The following ZFPM1 variants were observed in gnomAD, a reference collection of about 807,000 sequenced individuals.
ZFPM1 encodes zinc finger protein ZFPM1.
A neutral mutation model predicts 46.3 loss-of-function variants in ZFPM1; 28 were observed. The observed-to-expected ratio is 0.60, with a 90% CI of 0.45 to 0.83. The LOEUF (loss-of-function observed/expected upper bound fraction) is 0.83, where lower values mean the gene tolerates loss of function less well. Among genes scored for constraint, ZFPM1 ranks in the 40% least tolerant of loss-of-function variants. The pLI, the probability that ZFPM1 is intolerant of heterozygous loss-of-function variation, is 0.00. For missense variants in ZFPM1, 1,878 were observed against 1,432.4 expected, an observed-to-expected ratio of 1.31 and a Z score of -5.02; for synonymous variants, 957 against 675.9, an observed-to-expected ratio of 1.42 and a Z score of -6.45.
chr16:88,493,645 AGCTGTCCCG>A, intron 3 of ZFPM1, among the ~76,000 whole-genome samples: 1 of 149,528 alleles, frequency 6.7e-6, no homozygotes, highest in Non-Finnish European at 1.5e-5. Context: ...GGGTGCGGTG[AGCTGTCCCG>A]GGGTGCGGGG....
chr16:88,532,433 G>A (rs1912861854), intron 7 of ZFPM1, among the ~76,000 whole-genome samples, 181 bp from the exon 8 acceptor site: 1 of 152,172 alleles, frequency 6.6e-6, no homozygotes, highest in South Asian at 2.1e-4. Flanking sequence ...GTCAGCTGAG[G>A]GCTGGGCCCA....
chr16:88,512,097 G>A (rs992388023), intron 3 of ZFPM1, among the ~76,000 whole-genome samples: 12 of 152,250 alleles, frequency 7.9e-5, no homozygotes, highest in Admixed American at 5.9e-4. Context: ...AGGGGCGGCC[G>A]CCACGGGAAA....
At chr16:88,532,538 C>G (rs1912872750) in intron 7 of ZFPM1, 76 bp from the exon 8 acceptor site, 22 of 1,449,848 alleles carry the variant, frequency 1.5e-5, no homozygotes. Flanking sequence ...GGCCCTGGGC[C>G]CAGTCGCCTT....
At chr16:88,526,258 G>A (rs1464875614) in intron 4 of ZFPM1, among the ~76,000 whole-genome samples, 1 of 152,202 alleles carries the variant, frequency 6.6e-6, no homozygotes, top group African/African-American at 2.4e-5. Flanking sequence ...ATGCTGTCAG[G>A]AGGACACTGA....
In ZFPM1 at chr16:88,533,703, G is replaced by A. The variant is rs764064185; in HGVS notation, c.1745G>A (p.Cys582Tyr). 3 of 1,513,214 alleles carry A rather than the reference G, an allele frequency of 2.0e-6. No homozygotes were observed. Among genetic ancestry groups the A allele is most frequent in the Non-Finnish European group, 2.7e-6 (3 of 1,125,728 alleles). The allele number at this position is 1,513,214 out of a possible 1,614,324, so 93.7% of individuals were successfully genotyped here. Residue 582 changes from cysteine (C) to tyrosine (Y), a missense_variant, in exon 10 of 10, where the codon TGC becomes TAC. Coordinates refer to ENST00000319555, the MANE Select transcript of ZFPM1 (RefSeq NM_153813.3). Reference protein sequence around the residue: ...GAPKGATCFECEITFSNVNNY... With the variant: ...GAPKGATCFEYEITFSNVNNY... The stretch of plus-strand genomic sequence containing the variant: ...CCCAAGGGCGCTACGTGCTTCGAGT[G>A]CGAGATCACCTTCAGCAACGTCAAC...
At chr16:88,489,199 C>T (rs1384943849) in intron 3 of ZFPM1, 46 bp downstream of exon 3, 22 of 1,541,434 alleles carry the variant, frequency 1.4e-5, no homozygotes, top group Non-Finnish European at 1.7e-5. Flanking sequence ...TCCCGGGCAG[C>T]CTGGCCCGGC....
At chr16:88,527,997 C>G in intron 5 of ZFPM1, 35 bp from the exon 6 acceptor site, 1 of 1,501,326 alleles carries the variant, frequency 6.7e-7, no homozygotes, top group Non-Finnish European at 9.0e-7. Flanking sequence ...AAGTGGGGCA[C>G]AAAGTCCTAG....
chr16:88,457,762 G>T (rs541800436), intron 1 of ZFPM1, among the ~76,000 whole-genome samples: 1 of 152,182 alleles, frequency 6.6e-6, no homozygotes, highest in South Asian at 2.1e-4. Flanking sequence ...AAGCACTGGG[G>T]TTCCAGACAC....
chr16:88,527,106 C>A (rs1490984889), intron 5 of ZFPM1, among the ~76,000 whole-genome samples, 190 bp downstream of exon 5: 2 of 152,140 alleles, frequency 1.3e-5, no homozygotes, highest in Non-Finnish European at 2.9e-5. Context: ...GACCATGAGT[C>A]CCTGTATGAG....
chr16:88,533,072 C>T (rs1912926715), intron 9 of ZFPM1, 76 bp from the exon 10 acceptor site: 11 of 1,457,138 alleles, frequency 7.5e-6, no homozygotes, highest in African/African-American at 2.8e-5. Context: ...CCTCCCCTTC[C>T]GGAGCTCGCC....
intron 4 of ZFPM1, among the ~76,000 whole-genome samples, chr16:88,517,579 A>C (rs1017570368): frequency 6.8e-6 from 1 of 146,738 alleles, no homozygotes; most frequent in Admixed American, 6.7e-5. Context: ...GGATAGACTA[A>C]TGGATGGATA....
At chr16:88,528,274 TCCA>T in intron 6 of ZFPM1, 36 bp downstream of exon 6, 9 of 1,549,422 alleles carry the variant, frequency 5.8e-6, no homozygotes, top group Non-Finnish European at 6.1e-6. Flanking sequence ...GGGCGGCTGC[TCCA>T]CCAAGGAGGA....
At chr16:88,476,336 G>A (rs1434897914) in intron 1 of ZFPM1, among the ~76,000 whole-genome samples, 1 of 152,192 alleles carries the variant, frequency 6.6e-6, no homozygotes, top group Non-Finnish European at 1.5e-5. Context: ...CCCTTCCCGT[G>A]TCCATCAGCA....
intron 1 of ZFPM1, among the ~76,000 whole-genome samples, chr16:88,455,415 G>T (rs1907500212): frequency 6.6e-6 from 1 of 152,014 alleles, no homozygotes; most frequent in Non-Finnish European, 1.5e-5. Flanking sequence ...AGGAAGGCAG[G>T]GCCGCGGACC....
intron 4 of ZFPM1, among the ~76,000 whole-genome samples, chr16:88,522,569 G>A (rs1210907926): frequency 1.3e-5 from 2 of 152,250 alleles, no homozygotes. Flanking sequence ...AGATAAAGTT[G>A]TCACAGCGGA....
chr16:88,501,498 G>A (rs1447469386), intron 3 of ZFPM1, among the ~76,000 whole-genome samples: 7 of 145,354 alleles, frequency 4.8e-5, no homozygotes, highest in African/African-American at 1.6e-4. Flanking sequence ...GGGCCCTCCC[G>A]CAGGTGCTGG....
At chr16:88,452,853 G>C (rs1907336477), upstream of ZFPM1, among the ~76,000 whole-genome samples, 1 of 152,200 alleles carries the variant, frequency 6.6e-6, no homozygotes, top group Admixed American at 6.5e-5. Context: ...CCGCGGGGCA[G>C]CAGAACAGAA....
intron 6 of ZFPM1, among the ~76,000 whole-genome samples, chr16:88,528,454 C>T (rs1438962271): frequency 6.6e-6 from 1 of 152,212 alleles, no homozygotes; most frequent in African/African-American, 2.4e-5. Context: ...ACAGGGAAAG[C>T]CCCTGCCAGC....
chr16:88,519,003 T>C (rs377424893), intron 4 of ZFPM1, among the ~76,000 whole-genome samples: 276 of 149,136 alleles, frequency 1.9e-3, no homozygotes, highest in Middle Eastern at 0.011. Context: ...GATAGACGTA[T>C]GGGTGGATGG....
Sources: gnomAD v4.1 joint callset for allele counts (sites outside exome capture counted in the v4.1 genomes callset) on GRCh38, gnomAD v4.1.1 for gene constraint, MANE v1.5 for transcripts, NCBI Gene and HGNC (gene_info 2026-07-23, HGNC 2026-07-21) for gene names.